Variants in SEMA3D observed in about 807,000 individuals in gnomAD.
The protein encoded by SEMA3D is semaphorin 3D.
SEMA3D carries 84 observed loss-of-function variants against 100.1 expected under a neutral mutation model. The observed-to-expected ratio is 0.84, with a 90% CI of 0.70 to 1.01. SEMA3D has a LOEUF of 1.01. SEMA3D is among the 50% of genes least tolerant of loss of function. SEMA3D has a pLI of 0.00. For missense variants in SEMA3D, 875 were observed against 934.1 expected (o/e 0.94, Z 0.82); for synonymous variants, 312 against 320.7 (o/e 0.97, Z 0.29).
intron 17 of SEMA3D, among the ~76,000 whole-genome samples, chr7:85,007,895 A>G (rs1789843795): frequency 6.6e-6 from 1 of 151,858 alleles, no homozygotes. Context: ...ATAATTGCAC[A>G]TATATTAGTT....
intron 8 of SEMA3D, among the ~76,000 whole-genome samples, chr7:85,060,811 T>C (rs923866008): frequency 4.6e-5 from 7 of 152,220 alleles, no homozygotes. Context: ...AAGGAGAGTT[T>C]ACAGACAACA....
At chr7:85,101,404 T>C (rs1788738758) in intron 3 of SEMA3D, among the ~76,000 whole-genome samples, 2 of 152,010 alleles carry the variant, frequency 1.3e-5, no homozygotes, top group Admixed American at 1.3e-4. Flanking sequence ...AAATATTACT[T>C]CTCATAATGA....
upstream of SEMA3D, among the ~76,000 whole-genome samples, chr7:85,189,101 C>A (rs915143645): frequency 6.6e-6 from 1 of 151,990 alleles, no homozygotes; most frequent in South Asian, 2.1e-4. Flanking sequence ...GAATTCTGTG[C>A]TTTCCTTCCT....
At chr7:85,164,946 G>A (rs1466663142) in intron 1 of SEMA3D, among the ~76,000 whole-genome samples, 1 of 152,016 alleles carries the variant, frequency 6.6e-6, no homozygotes, top group Non-Finnish European at 1.5e-5. Context: ...AAGAAATATA[G>A]AAGATGTCAT....
the SEMA3D span, among the ~76,000 whole-genome samples, chr7:85,221,353 G>A: frequency 1.3e-5 from 2 of 151,998 alleles, no homozygotes; most frequent in Non-Finnish European, 2.9e-5. Context: ...TAAAGGTTAA[G>A]ACTTCAATAT....
intron 9 of SEMA3D, among the ~76,000 whole-genome samples, chr7:85,054,148 A>G (rs1187722505): frequency 6.6e-6 from 1 of 152,088 alleles, no homozygotes; most frequent in Admixed American, 6.6e-5. Context: ...CTAGGGTAAG[A>G]CATTACTTTG....
chr7:85,195,666 C>A, the SEMA3D span, among the ~76,000 whole-genome samples: 2 of 152,064 alleles, frequency 1.3e-5, no homozygotes, highest in Admixed American at 1.3e-4. Flanking sequence ...TGATTTTTCC[C>A]AGAATGGTCA....
intron 12 of SEMA3D, among the ~76,000 whole-genome samples, chr7:85,030,489 A>C (rs1446538950): frequency 1.3e-5 from 2 of 152,070 alleles, no homozygotes. Context: ...TTTAAAAAGG[A>C]ATCATTATTT....
the SEMA3D span, among the ~76,000 whole-genome samples, chr7:85,193,517 C>T: frequency 3.0e-3 from 451 of 152,190 alleles, 1 homozygote; most frequent in African/African-American, 0.01. Context: ...GTCTAACCTG[C>T]TGGGATTTTA....
At chr7:85,140,597 C>T (rs1227048558) in intron 2 of SEMA3D, 1 of 878,656 alleles carries the variant, frequency 1.1e-6, no homozygotes, top group East Asian at 1.2e-4. Context: ...ATCTATATAT[C>T]TCTATATATA....
chr7:85,239,861 A>G, the SEMA3D span, among the ~76,000 whole-genome samples: 1 of 152,142 alleles, frequency 6.6e-6, no homozygotes, highest in Non-Finnish European at 1.5e-5. Flanking sequence ...TGTCTTTTGT[A>G]TATTAACTTC....
At chr7:85,232,868 T>C in the SEMA3D span, among the ~76,000 whole-genome samples, 29 of 152,292 alleles carry the variant, frequency 1.9e-4, no homozygotes, top group Admixed American at 1.6e-3. Flanking sequence ...TAAATTGTGG[T>C]TCTAATGCAA....
At chr7:85,142,855 T>C (rs1790097278) in intron 2 of SEMA3D, 2 of 985,090 alleles carry the variant, frequency 2.0e-6, no homozygotes, top group Non-Finnish European at 1.2e-6. Context: ...TCTTATACTT[T>C]TTCTTTTCTG....
At chr7:85,127,788 T>C (rs1407331512) in intron 2 of SEMA3D, among the ~76,000 whole-genome samples, 1 of 152,170 alleles carries the variant, frequency 6.6e-6, no homozygotes, top group Non-Finnish European at 1.5e-5. Flanking sequence ...TTGACCTTTC[T>C]TCAAATCAGA....
At chr7:85,179,810 C>T (rs570862746) in intron 1 of SEMA3D, among the ~76,000 whole-genome samples, 45 of 151,994 alleles carry the variant, frequency 3.0e-4, no homozygotes, top group East Asian at 7.8e-4. Context: ...TACAGGCGCC[C>T]GCCACTGTGC....
intron 1 of SEMA3D, among the ~76,000 whole-genome samples, chr7:85,162,152 A>C (rs1790764673): frequency 6.6e-6 from 1 of 152,066 alleles, no homozygotes; most frequent in Non-Finnish European, 1.5e-5. Context: ...TTCACAAGTA[A>C]CAAAGCAAGA....
the SEMA3D span, among the ~76,000 whole-genome samples, chr7:85,236,506 C>T: frequency 6.6e-6 from 1 of 151,830 alleles, no homozygotes; most frequent in Admixed American, 6.6e-5. Flanking sequence ...TGGGGTTTCA[C>T]CATGTTGGCC....
the SEMA3D span, among the ~76,000 whole-genome samples, chr7:85,202,784 A>T: frequency 6.6e-6 from 1 of 151,988 alleles, no homozygotes; most frequent in African/African-American, 2.4e-5. Context: ...AACCAAAACC[A>T]CAGTGAGATA....
At position 85,072,952 on chromosome 7, in the gene SEMA3D, A is replaced by C; in HGVS notation, c.495+10T>G. The C allele has an allele frequency of 6.3e-7, 1 of 1,583,618 alleles. No homozygotes were observed. Among genetic ancestry groups the C allele is most frequent in the Admixed American group, 1.9e-5 (1 of 52,192 alleles). On this transcript the variant is annotated intron_variant, in intron 6 of 18. Transcript: ENST00000284136. ...TAAATTATGCTTTTCATGCTTTTTC[A>C]TTATATTACCTCCTTGTAGACTCCA...
Sources: allele counts gnomAD v4.1 joint callset (sites outside exome capture counted in the v4.1 genomes callset), GRCh38; gene constraint gnomAD v4.1.1; transcripts MANE v1.5; gene names NCBI Gene and HGNC (gene_info 2026-07-23, HGNC 2026-07-21).